The following RMDN2 variants were observed in gnomAD, a reference collection of about 807,000 sequenced individuals.
RMDN2 encodes the protein regulator of microtubule dynamics 2, also known as regulator of microtubule dynamics protein 2.
Under a neutral mutation model 52.8 loss-of-function variants are expected in RMDN2, and 61 were observed. The ratio of observed to expected loss-of-function variants is 1.16; its 90% CI spans 0.94 to 1.43. The LOEUF is 1.43. Among genes scored for constraint, RMDN2 ranks in the 40% most tolerant of loss-of-function variants. RMDN2 has a pLI of 0.00. For missense variants in RMDN2, 592 were observed against 475.3 expected (o/e 1.25, Z -2.28); for synonymous variants, 180 against 153.1 (o/e 1.18, Z -1.30).
chr2:37,962,080 C>T (rs1670312756), intron 2 of RMDN2, among the ~76,000 whole-genome samples: 1 of 152,190 alleles, frequency 6.6e-6, no homozygotes, highest in African/African-American at 2.4e-5. Context: ...TCCCAGAGGG[C>T]CACCCACCAG....
chr2:37,940,939 G>A (rs1667732963), intron 2 of RMDN2, among the ~76,000 whole-genome samples: 1 of 152,176 alleles, frequency 6.6e-6, no homozygotes, highest in South Asian at 2.1e-4. Context: ...CCTTGCTGGT[G>A]AGGAGTTGCG....
At chr2:37,984,795 C>G (rs1478780166) in intron 5 of RMDN2, among the ~76,000 whole-genome samples, 1 of 151,686 alleles carries the variant, frequency 6.6e-6, no homozygotes, top group African/African-American at 2.4e-5. Context: ...AGGTAATATA[C>G]CATGTTGTGA....
At chr2:37,997,601 C>T (rs1675743812) in intron 8 of RMDN2, 87 bp downstream of exon 8, 2 of 852,566 alleles carry the variant, frequency 2.3e-6, no homozygotes, top group African/African-American at 3.4e-5. Flanking sequence ...AATCTTTTCT[C>T]CATGTGGAGC....
chr2:37,948,412 G>A (rs1668401242), intron 2 of RMDN2, among the ~76,000 whole-genome samples: 1 of 152,144 alleles, frequency 6.6e-6, no homozygotes. Flanking sequence ...TGACCTAGGT[G>A]AGAATAGAGT....
At chr2:37,922,324 A>C (rs1471229516), upstream of RMDN2, among the ~76,000 whole-genome samples, 1 of 152,136 alleles carries the variant, frequency 6.6e-6, no homozygotes, top group African/African-American at 2.4e-5. Context: ...CTAGAAAATG[A>C]ATAGTTAACT....
intron 10 of RMDN2, among the ~76,000 whole-genome samples, chr2:38,025,298 T>A (rs2125264521): frequency 6.6e-6 from 1 of 152,216 alleles, no homozygotes; most frequent in South Asian, 2.1e-4. Flanking sequence ...GATTTTTTAT[T>A]GTATATAGAA....
At chr2:37,924,099 A>G (rs1666112141), upstream of RMDN2, among the ~76,000 whole-genome samples, 1 of 152,132 alleles carries the variant, frequency 6.6e-6, no homozygotes, top group African/African-American at 2.4e-5. Context: ...TTATTCTTCA[A>G]TGCGGCTTGC....
chr2:37,962,790 GC>G (rs979803473), intron 2 of RMDN2, among the ~76,000 whole-genome samples: 2 of 152,150 alleles, frequency 1.3e-5, no homozygotes, highest in African/African-American at 4.8e-5. Context: ...TGCTCAAACG[GC>G]TGCCCAGTTT....
chr2:37,989,724 T>A lies in RMDN2; in HGVS notation c.867+108T>A, dbSNP rs1340533189. The A allele has an allele frequency of 9.1e-6, 6 of 659,324 alleles. No individual in the cohort carries two copies. In the Admixed American group the frequency reaches 1.9e-4, roughly 20 times the overall value. The allele number at this position is 659,324 out of a possible 1,614,324, so 40.8% of individuals were successfully genotyped here. A position where few individuals can be genotyped will look rare whatever the true frequency, so the allele number is the denominator to read the frequency against. On this transcript the variant is annotated intron_variant, in intron 6 of 10. Transcript: ENST00000354545. ...TAGCCATATGTTCCATCAATGGGTA[T>A]AAACCAGATTATTCAACAGATTAAG...
intron 10 of RMDN2, among the ~76,000 whole-genome samples, chr2:38,042,898 G>A (rs1468755247): frequency 1.3e-5 from 2 of 152,066 alleles, no homozygotes; most frequent in East Asian, 1.9e-4. Context: ...ATTTGTCAAG[G>A]TATATTTTAT....
At chr2:38,004,255 T>A in intron 10 of RMDN2, 39 bp downstream of exon 10, 1 of 1,404,600 alleles carries the variant, frequency 7.1e-7, no homozygotes, top group East Asian at 2.3e-5. Context: ...GTTGTCTTGT[T>A]AGTACTATTC....
chr2:37,934,646 G>A (rs1371370927), intron 2 of RMDN2, among the ~76,000 whole-genome samples: 1 of 152,100 alleles, frequency 6.6e-6, no homozygotes, highest in Non-Finnish European at 1.5e-5. Flanking sequence ...GACCCCAAAA[G>A]CTGGGTATAT....
intron 10 of RMDN2, among the ~76,000 whole-genome samples, chr2:38,013,695 G>C (rs779149417): frequency 1.3e-5 from 2 of 152,180 alleles, no homozygotes; most frequent in Non-Finnish European, 2.9e-5. Flanking sequence ...TTCTGGATAA[G>C]TTATAAAACA....
intron 5 of RMDN2, among the ~76,000 whole-genome samples, chr2:37,988,864 G>A (rs1674388157): frequency 6.6e-6 from 1 of 152,080 alleles, no homozygotes; most frequent in African/African-American, 2.4e-5. Flanking sequence ...GCAACTTAAA[G>A]TCAAATAACT....
Position 37,975,295 on chromosome 2 carries a change from G to T in RMDN2, c.711G>T (p.Lys237Asn), listed in dbSNP as rs776380587. ...MYELSTNTQEKKHYANIGKTL... is the reference protein window; with the variant it reads ...MYELSTNTQENKHYANIGKTL... ...AACTATCTACAAACACACAAGAAAA[G>T]AAACATTATGCTAATATTGGTAAGC... is the stretch of plus-strand genomic sequence containing the variant. Residue 237 changes from lysine (K) to asparagine (N), a missense_variant, in exon 4 of 11, where the codon AAG (lysine) becomes AAT (asparagine). Lys to Asn is a moderately conservative substitution (Grantham distance 94). Coordinates refer to ENST00000354545, the MANE Select transcript of RMDN2 (RefSeq NM_001170791.3). 6 of 1,590,886 alleles carry T rather than the reference G, an allele frequency of 3.8e-6. No individual in the cohort carries two copies. In the South Asian group the frequency reaches 5.5e-5, roughly 15 times the overall value.
At chr2:38,020,089 G>T (rs544917073), downstream of RMDN2, among the ~76,000 whole-genome samples, 14 of 152,204 alleles carry the variant, frequency 9.2e-5, no homozygotes, top group Non-Finnish European at 1.8e-4. Flanking sequence ...TGGCACCAGG[G>T]GCCAGTTTCA....
chr2:37,981,787 A>G (rs1202992062), intron 5 of RMDN2, among the ~76,000 whole-genome samples: 1 of 152,176 alleles, frequency 6.6e-6, no homozygotes, highest in Non-Finnish European at 1.5e-5. Context: ...AACAAAGAGA[A>G]TTTAATTAGT....
At chr2:38,058,972 C>G (rs1681942410) in intron 10 of RMDN2, among the ~76,000 whole-genome samples, 1 of 152,176 alleles carries the variant, frequency 6.6e-6, no homozygotes, top group African/African-American at 2.4e-5. Context: ...CTGAGTATTT[C>G]TCATGATTCT....
chr2:38,028,867 A>G (rs1573172785), intron 10 of RMDN2, among the ~76,000 whole-genome samples: 1 of 152,108 alleles, frequency 6.6e-6, no homozygotes, highest in East Asian at 1.9e-4. Flanking sequence ...GCCCCCAGAA[A>G]AAAGCTGTAA....
Sources: allele counts gnomAD v4.1 joint callset (sites outside exome capture counted in the v4.1 genomes callset), GRCh38; gene constraint gnomAD v4.1.1; transcripts MANE v1.5; gene names NCBI Gene and HGNC (gene_info 2026-07-23, HGNC 2026-07-21).